Variants in NRG1 observed in about 807,000 individuals in gnomAD.
The protein encoded by NRG1 is pro-neuregulin-1, membrane-bound isoform.
Under a neutral mutation model 63.8 loss-of-function variants are expected in NRG1, and 18 were observed. That is an observed-to-expected ratio of 0.28 (90% CI 0.19 to 0.42). The LOEUF (loss-of-function observed/expected upper bound fraction) is 0.42, where lower values mean the gene tolerates loss of function less well. Ranked by LOEUF, NRG1 falls within the 10% of genes least tolerant of loss-of-function variation. The pLI is 1.00. For synonymous variants in NRG1, 302 were observed against 301.3 expected (o/e 1.00, Z -0.02); for missense variants, 762 against 814.7 (o/e 0.94, Z 0.79).
chr8:32,076,995 C>T (rs1359984445), intron 1 of NRG1, among the ~76,000 whole-genome samples: 1 of 152,202 alleles, frequency 6.6e-6, no homozygotes, highest in Non-Finnish European at 1.5e-5. Flanking sequence ...ACCCAGGCTT[C>T]TGACTCTATT....
intron 1 of NRG1, among the ~76,000 whole-genome samples, chr8:32,321,587 G>C (rs558320415): frequency 6.6e-6 from 1 of 150,798 alleles, no homozygotes; most frequent in South Asian, 2.1e-4. Flanking sequence ...AATACTGGGA[G>C]GAGAGAAATA....
intron 1 of NRG1, among the ~76,000 whole-genome samples, chr8:31,857,642 G>A (rs1031659639): frequency 3.3e-5 from 5 of 152,126 alleles, no homozygotes; most frequent in African/African-American, 1.2e-4. Flanking sequence ...TCAAGAGCGG[G>A]AATACATTCT....
intron 1 of NRG1, among the ~76,000 whole-genome samples, chr8:31,982,888 T>C (rs890550453): frequency 1.3e-5 from 2 of 152,128 alleles, no homozygotes; most frequent in Non-Finnish European, 2.9e-5. Context: ...CATGGCAATG[T>C]GGAAATTTAT....
chr8:32,301,224 G>A (rs1855531754), intron 1 of NRG1, among the ~76,000 whole-genome samples: 1 of 152,132 alleles, frequency 6.6e-6, no homozygotes, highest in Non-Finnish European at 1.5e-5. Context: ...AAATAGAGCA[G>A]TTTCAAAAAT....
chr8:32,629,597 A>G (rs192221498), intron 5 of NRG1, among the ~76,000 whole-genome samples: 19 of 152,358 alleles, frequency 1.2e-4, no homozygotes, highest in Admixed American at 1.2e-3. Context: ...TAAAAAACTA[A>G]CATTGGCTTA....
intron 1 of NRG1, among the ~76,000 whole-genome samples, chr8:31,804,417 T>C (rs572681419): frequency 1.3e-5 from 2 of 152,236 alleles, no homozygotes; most frequent in South Asian, 4.1e-4. Context: ...GGATAGGCAT[T>C]TTTTCTGTCC....
At chr8:32,384,384 A>G (rs1001495637) in intron 1 of NRG1, among the ~76,000 whole-genome samples, 1 of 152,268 alleles carries the variant, frequency 6.6e-6, no homozygotes, top group African/African-American at 2.4e-5. Flanking sequence ...TAGCACAGAG[A>G]TAAGAGATTA....
At chr8:32,286,416 C>T (rs1393416675) in intron 1 of NRG1, among the ~76,000 whole-genome samples, 1 of 152,104 alleles carries the variant, frequency 6.6e-6, no homozygotes. Context: ...GACTATCAGC[C>T]AGGGCTGCAG....
At chr8:31,904,292 T>C (rs988171282) in intron 1 of NRG1, among the ~76,000 whole-genome samples, 20 of 151,968 alleles carry the variant, frequency 1.3e-4, no homozygotes, top group Admixed American at 3.3e-4. Flanking sequence ...AACTAAGAGA[T>C]TGAGAGTTAG....
chr8:32,301,229 A>C (rs1268175895), intron 1 of NRG1, among the ~76,000 whole-genome samples: 9 of 152,248 alleles, frequency 5.9e-5, no homozygotes. Flanking sequence ...GAGCAGTTTC[A>C]AAAATACAAA....
chr8:32,410,634 C>T (rs1787382900), intron 1 of NRG1, among the ~76,000 whole-genome samples: 1 of 152,142 alleles, frequency 6.6e-6, no homozygotes, highest in Non-Finnish European at 1.5e-5. Flanking sequence ...TTCTTCTCTT[C>T]TTCACACCAG....
chr8:32,477,967 G>A (rs1824738240), intron 1 of NRG1, among the ~76,000 whole-genome samples: 1 of 152,190 alleles, frequency 6.6e-6, no homozygotes, highest in South Asian at 2.1e-4. Context: ...CAATGCCACA[G>A]TCCATCTGTA....
chr8:32,359,270 AC>A (rs908940988), intron 1 of NRG1, among the ~76,000 whole-genome samples: 1 of 152,170 alleles, frequency 6.6e-6, no homozygotes, highest in Non-Finnish European at 1.5e-5. Context: ...TGATTCATTC[AC>A]CCTTTTAAAC....
chr8:32,174,033 A>T (rs550776769), intron 1 of NRG1, among the ~76,000 whole-genome samples: 4 of 152,212 alleles, frequency 2.6e-5, no homozygotes, highest in Non-Finnish European at 5.9e-5. Context: ...TCAACAGAAT[A>T]TACATTCTTC....
intron 1 of NRG1, among the ~76,000 whole-genome samples, chr8:32,088,280 AT>A (rs1486883911): frequency 6.6e-6 from 1 of 152,204 alleles, no homozygotes; most frequent in East Asian, 1.9e-4. Context: ...GCGTTTAATA[AT>A]TTAACGAAAA....
chr8:31,742,454 A>ATTTTTTT lies in NRG1; in HGVS notation c.37+103023_37+103024insTTTTTTT, dbSNP rs1563349398. On this transcript the variant is annotated intron_variant, in intron 1 of 10. Coordinates refer to the NRG1 transcript ENST00000519301. ...AGCAACGACAGACAACTTTTTTAAGAATTTTTTTTTTTTTTTTTTTTTTTT... is the reference window on the plus strand; with the variant it reads ...AGCAACGACAGACAACTTTTTTAAGATTTTTTTATTTTTTTTTTTTTTTTTTTTTTTT... 4.8e-3 allele frequency among the ~76,000 whole-genome samples: 206 copies of ATTTTTTT among 43,212 alleles called. 2 individuals carry two copies. Among genetic ancestry groups the ATTTTTTT allele is most frequent in the African/African-American group, 0.016 (192 of 12,286 alleles). 28.3% of individuals were successfully genotyped at this position (43,212 alleles called of 152,430 possible).
At chr8:32,067,186 C>T (rs1345767908) in intron 1 of NRG1, among the ~76,000 whole-genome samples, 1 of 152,176 alleles carries the variant, frequency 6.6e-6, no homozygotes, top group Non-Finnish European at 1.5e-5. Context: ...TTATTTCCTT[C>T]TCCTGTCTGA....
intron 1 of NRG1, among the ~76,000 whole-genome samples, chr8:31,953,512 C>T (rs1297203117): frequency 2.0e-5 from 3 of 152,058 alleles, no homozygotes; most frequent in African/African-American, 7.2e-5. Flanking sequence ...AATGTAGACA[C>T]GAATGTAGTT....
intron 1 of NRG1, among the ~76,000 whole-genome samples, chr8:32,212,100 G>C (rs1302403228): frequency 1.3e-5 from 2 of 152,018 alleles, no homozygotes; most frequent in African/African-American, 2.4e-5. Context: ...TAACTTAAGA[G>C]GTAAATGTGT....
Sources: gnomAD v4.1 joint callset for allele counts (sites outside exome capture counted in the v4.1 genomes callset) on GRCh38, gnomAD v4.1.1 for gene constraint, MANE v1.5 for transcripts, NCBI Gene and HGNC (gene_info 2026-07-23, HGNC 2026-07-21) for gene names.